GTSE1: variants seen among roughly 807,000 people sequenced by gnomAD.
GTSE1 encodes G2 and S-phase expressed 1.
Under a neutral mutation model 60.5 loss-of-function variants are expected in GTSE1, and 52 were observed. That is an observed-to-expected ratio of 0.86 (90% CI 0.69 to 1.08). The LOEUF is 1.08. Ranked by LOEUF, GTSE1 falls within the 50% of genes least tolerant of loss-of-function variation. The probability of loss-of-function intolerance (pLI) is 0.00; values close to 1 mark genes in which losing one functional copy is unlikely to be tolerated. For missense variants in GTSE1, 937 were observed against 961.8 expected (o/e 0.97, Z 0.34); for synonymous variants, 368 against 386.5 (o/e 0.95, Z 0.56).
Position 46,314,090 on chromosome 22 carries a change from G to C in GTSE1, c.1051+77G>C. 6.4e-7 allele frequency: 1 copy of C among 1,563,946 alleles called. No homozygotes were observed. Among genetic ancestry groups the C allele is most frequent in the Non-Finnish European group, 8.8e-7 (1 of 1,140,996 alleles). On this transcript the variant is annotated intron_variant, in intron 6 of 11. Coordinates refer to ENST00000454366, the MANE Select transcript of GTSE1 (RefSeq NM_016426.7). This position sits in a 1 kb window ranked among gnomAD's most constrained non-coding sequence, Gnocchi z 7.1. ...GAGTGCTGCTCAGGCCTTGGAGACTGTTTCTGCAGAACCACTTAGGCTTGG... is the reference window on the plus strand; with the variant it reads ...GAGTGCTGCTCAGGCCTTGGAGACTCTTTCTGCAGAACCACTTAGGCTTGG...
At chr22:46,306,438 C>T (rs1015512396) in intron 2 of GTSE1, among the ~76,000 whole-genome samples, 8 of 151,294 alleles carry the variant, frequency 5.3e-5, no homozygotes, top group Non-Finnish European at 1.0e-4. Context: ...GCCTCGGCCT[C>T]CCAAAGTGCT....
In GTSE1 at chr22:46,317,548, C is replaced by T. The variant is rs1312551039; in HGVS notation, c.1432+1136C>T. Reference sequence around the variant, plus strand: ...CCGGGTTTTGGCCTCATTTTCCTGCCTCTACATTTTTCACAAGTTTTTCTT... The same window carrying T: ...CCGGGTTTTGGCCTCATTTTCCTGCTTCTACATTTTTCACAAGTTTTTCTT... On this transcript the variant is annotated intron_variant, in intron 7 of 11. Transcript: ENST00000454366. This position sits in a 1 kb window ranked among gnomAD's most constrained non-coding sequence, Gnocchi z 5.6. 6.6e-6 allele frequency among the ~76,000 whole-genome samples: 1 copy of T among 152,184 alleles called. No individual in the cohort carries two copies. The highest frequency in any genetic ancestry group is 6.5e-5 in the Admixed American group (1 of 15,278).
At position 46,329,231 on chromosome 22, in the gene GTSE1, G is replaced by T. The variant is rs2077861932; in HGVS notation, c.1927-127G>T. ...CCCATACAGAGCCTCCTTCCACCAAGGCCCCGCCTGATTCCTTGGCTTTCC... is the reference window on the plus strand; with the variant it reads ...CCCATACAGAGCCTCCTTCCACCAATGCCCCGCCTGATTCCTTGGCTTTCC... On this transcript the variant is annotated intron_variant, in intron 10 of 11. Coordinates refer to ENST00000454366, the MANE Select transcript of GTSE1 (RefSeq NM_016426.7). This position sits in a 1 kb window ranked among gnomAD's most constrained non-coding sequence, Gnocchi z 6.4. 6.2e-6 allele frequency: 5 copies of T among 809,980 alleles called. No individual in the cohort carries two copies. The Admixed American group carries it at 8.7e-5, about 14-fold the overall frequency. The allele number at this position is 809,980 out of a possible 1,614,324, so 50.2% of individuals were successfully genotyped here.
chr22:46,313,166 TAAAAAAAAAAA>T lies in GTSE1; in HGVS notation c.928-714_928-704del, dbSNP rs778559566. Among the ~76,000 whole-genome samples, 3 of 82,208 alleles carry T rather than the reference TAAAAAAAAAAA, an allele frequency of 3.6e-5. No homozygotes were observed. The highest frequency in any genetic ancestry group is 7.7e-5 in the Non-Finnish European group (3 of 39,108). The allele number at this position is 82,208 out of a possible 152,430, so 53.9% of individuals were successfully genotyped here. A position where few individuals can be genotyped will look rare whatever the true frequency, so the allele number is the denominator to read the frequency against. Reference sequence around the variant, plus strand: ...CTGGGCAACAGAGTGAGACCCTGTCTAAAAAAAAAAAAAAAAAAAAGGAAAAGAAAGAAAAT... The same window carrying T: ...CTGGGCAACAGAGTGAGACCCTGTCTAAAAAAAAAGGAAAAGAAAGAAAAT... On this transcript the variant is annotated intron_variant, in intron 5 of 11. Transcript: ENST00000454366. This position sits in a 1 kb window ranked among gnomAD's most constrained non-coding sequence, Gnocchi z 4.4.
At position 46,308,727 on chromosome 22, in the gene GTSE1, G is replaced by T. The variant is rs1171990041; in HGVS notation, c.546G>T (p.Arg182=). 1.9e-6 allele frequency: 3 copies of T among 1,613,530 alleles called. No homozygotes were observed. In the South Asian group the frequency reaches 3.3e-5, roughly 18 times the overall value. The change falls in exon 4 of 12, where the codon CGG becomes CGT. Residue 182 remains arginine, a synonymous_variant. Coordinates refer to ENST00000454366, the MANE Select transcript of GTSE1 (RefSeq NM_016426.7). ...TGGGGCCCCCTGTGGGTGAGCCTCG[G>T]CTCTTGGCCTCCTCCCCGGCCCTGC... ...PLLGPPVGEP[R]LLASSPALPS...
chr22:46,327,359 C>T (rs2077850086), intron 9 of GTSE1: 1 of 151,874 alleles, frequency 6.6e-6, no homozygotes, highest in African/African-American at 2.4e-5. Flanking sequence ...ACCTTTGAAA[C>T]AGATCATGCT....
intron 8 of GTSE1, among the ~76,000 whole-genome samples, chr22:46,326,050 T>C (rs975139077): frequency 6.6e-6 from 1 of 152,286 alleles, no homozygotes; most frequent in African/African-American, 2.4e-5. Flanking sequence ...GCTGCGGCTC[T>C]GACTTCCTTA....
At chr22:46,311,181 A>G (rs1047395462) in intron 4 of GTSE1, among the ~76,000 whole-genome samples, 2 of 151,942 alleles carry the variant, frequency 1.3e-5, no homozygotes, top group African/African-American at 2.4e-5. Flanking sequence ...GGGTTCAAGC[A>G]GTCCTCCTGT....
chr22:46,314,082 T>G lies in GTSE1; in HGVS notation c.1051+69T>G. ...GAGGCCTGGAGTGCTGCTCAGGCCTTGGAGACTGTTTCTGCAGAACCACTT... is the reference window on the plus strand; with the variant it reads ...GAGGCCTGGAGTGCTGCTCAGGCCTGGGAGACTGTTTCTGCAGAACCACTT... On this transcript the variant is annotated intron_variant, in intron 6 of 11. Transcript: ENST00000454366. This position sits in a 1 kb window ranked among gnomAD's most constrained non-coding sequence, Gnocchi z 7.1. 1 of 1,579,706 alleles carries G rather than the reference T, an allele frequency of 6.3e-7. No individual in the cohort carries two copies. Among genetic ancestry groups the G allele is most frequent in the Admixed American group, 1.7e-5 (1 of 59,438 alleles).
rs956700065 is a variant in GTSE1, at chr22:46,309,992, C to G, written c.762+1049C>G. 6.6e-6 allele frequency among the ~76,000 whole-genome samples: 1 copy of G among 152,192 alleles called. No individual in the cohort carries two copies. The highest frequency in any genetic ancestry group is 2.4e-5 in the African/African-American group (1 of 41,460). On this transcript the variant is annotated intron_variant, in intron 4 of 11. Transcript: ENST00000454366. This position sits in a 1 kb window ranked among gnomAD's most constrained non-coding sequence, Gnocchi z 6.2. ...CTGCTCCAGACCCATCGAAGTATCT[C>G]TTTTGATCTCCTGGTCCTGGGTGGT...
chr22:46,305,694 G>A (rs6008586), intron 2 of GTSE1, among the ~76,000 whole-genome samples: 2,737 of 151,754 alleles, frequency 0.018, 87 homozygotes, highest in African/African-American at 0.062. Context: ...GGAACACAAG[G>A]TCAGGAATTT....
intron 9 of GTSE1, among the ~76,000 whole-genome samples, chr22:46,328,294 C>G (rs2077855227): frequency 6.6e-6 from 1 of 152,204 alleles, no homozygotes; most frequent in African/African-American, 2.4e-5. Flanking sequence ...AAGGAGCCAG[C>G]TGCATACCCA....
intron 2 of GTSE1, among the ~76,000 whole-genome samples, chr22:46,303,686 G>C (rs910106475): frequency 6.6e-6 from 1 of 152,188 alleles, no homozygotes; most frequent in Non-Finnish European, 1.5e-5. Context: ...GGTAGTCGTA[G>C]GTGTGCTATT....
rs146386061 is a variant in GTSE1, at chr22:46,323,225, C to T, written c.1468C>T (p.Arg490Trp). The T allele has an allele frequency of 4.2e-5, 67 of 1,613,930 alleles. 1 individual carries two copies. The highest frequency in any genetic ancestry group is 1.6e-4 in the African/African-American group (12 of 75,058). ...GGACAGCTCAACACCAAAGCTTTCG[C>T]GGGCACAGCGGCCGCAGTCGTGCAC... ...SPDSSTPKLS[R>W]AQRPQSCTSV... Residue 490 changes from arginine (R) to tryptophan (W), a missense_variant, in exon 8 of 12, where the codon CGG becomes TGG. Arg to Trp is a moderately radical substitution (Grantham distance 101). Coordinates refer to ENST00000454366, the MANE Select transcript of GTSE1 (RefSeq NM_016426.7).
At chr22:46,328,650 T>G (rs780822530) in intron 9 of GTSE1, 38 bp from the exon 10 acceptor site, 1 of 1,506,516 alleles carries the variant, frequency 6.6e-7, no homozygotes, top group South Asian at 1.1e-5. Context: ...ACGAGCATTT[T>G]AGAGACATTT....
In GTSE1 at chr22:46,324,495, G is replaced by C. The variant is rs572225029; in HGVS notation, c.1505+1233G>C. On this transcript the variant is annotated intron_variant, in intron 8 of 11. Transcript: ENST00000454366. The surrounding 1 kb of genome is among the most constrained non-coding windows in gnomAD (Gnocchi z 5.2). ...CCATTCTCCTGCCTCAGCCTCCCAA[G>C]TAGCTGGGACTACAGGCGCCCGCCA... 6.0e-4 allele frequency among the ~76,000 whole-genome samples: 91 copies of C among 152,146 alleles called. No individual in the cohort carries two copies. The highest frequency in any genetic ancestry group is 2.1e-3 in the African/African-American group (88 of 41,508).
chr22:46,298,432 C>A (rs572253610), intron 2 of GTSE1, among the ~76,000 whole-genome samples: 3 of 151,768 alleles, frequency 2.0e-5, no homozygotes, highest in East Asian at 3.9e-4. Context: ...CTCAGCCTCC[C>A]GAGTAGCTGG....
Position 46,329,910 on chromosome 22 carries a change from C to T in GTSE1, c.2137-137C>T. 4.6e-6 allele frequency: 3 copies of T among 655,220 alleles called. No individual in the cohort carries two copies. The highest frequency in any genetic ancestry group is 8.3e-6 in the Non-Finnish European group (3 of 360,626). 40.6% of individuals were successfully genotyped at this position (655,220 alleles called of 1,614,324 possible). The stretch of plus-strand genomic sequence containing the variant: ...TTCCAGCTTCTTAGACGTGGTGGCC[C>T]AGAGTGCTTTTCAGTGCACCCGAGC... On this transcript the variant is annotated intron_variant, in intron 11 of 11. Transcript: ENST00000454366. This position sits in a 1 kb window ranked among gnomAD's most constrained non-coding sequence, Gnocchi z 6.4.
Position 46,323,231 on chromosome 22 carries a change from C to T in GTSE1, c.1474C>T (p.Gln492Ter). The T allele has an allele frequency of 6.2e-7, 1 of 1,613,982 alleles. No individual in the cohort carries two copies. The highest frequency in any genetic ancestry group is 8.5e-7 in the Non-Finnish European group (1 of 1,179,796). ...DSSTPKLSRA[Q>*]RPQSCTSVGR... ...CTCAACACCAAAGCTTTCGCGGGCA[C>T]AGCGGCCGCAGTCGTGCACGTCAGT... is the stretch of plus-strand genomic sequence containing the variant. The change falls in exon 8 of 12, where the codon CAG (glutamine) becomes TAG (stop). Residue 492 changes from glutamine (Q) to a stop codon, truncating the protein, a stop_gained. Coordinates refer to ENST00000454366, the MANE Select transcript of GTSE1 (RefSeq NM_016426.7). LOFTEE classifies it high-confidence loss of function.
Sources: allele counts gnomAD v4.1 joint callset (sites outside exome capture counted in the v4.1 genomes callset), GRCh38; gene constraint gnomAD v4.1.1; non-coding constraint Gnocchi (gnomAD v3.1); transcripts MANE v1.5; gene names NCBI Gene and HGNC (gene_info 2026-07-23, HGNC 2026-07-21).